The following PRR5L variants were observed in gnomAD, a reference collection of about 807,000 sequenced individuals.
PRR5L encodes the protein proline-rich protein 5-like.
A neutral mutation model predicts 36.4 loss-of-function variants in PRR5L; 21 were observed. The observed-to-expected ratio is 0.58, with a 90% CI of 0.41 to 0.83. The LOEUF (loss-of-function observed/expected upper bound fraction) is 0.83. Ranked by LOEUF, PRR5L falls within the 40% of genes least tolerant of loss-of-function variation. The pLI is 0.00. For synonymous variants in PRR5L, 188 were observed against 197.0 expected (o/e 0.95, Z 0.38); for missense variants, 381 against 473.3 (o/e 0.80, Z 1.81).
At chr11:36,389,614 A>ATTTTTTTT (rs368918273) in intron 1 of PRR5L, among the ~76,000 whole-genome samples, 4 of 134,980 alleles carry the variant, frequency 3.0e-5, no homozygotes, top group African/African-American at 1.1e-4. Context: ...AGCCCCATGT[A>ATTTTTTTT]TTTTTTTTTT....
In PRR5L at chr11:36,351,441, A is replaced by ATATATATT. The variant is rs1359892606; in HGVS notation, c.-125-49532_-125-49525dup. 8.8e-5 allele frequency among the ~76,000 whole-genome samples: 4 copies of ATATATATT among 45,578 alleles called. 1 individual carries two copies. The highest frequency in any genetic ancestry group is 1.9e-4 in the African/African-American group (2 of 10,692). 29.9% of individuals were successfully genotyped at this position (45,578 alleles called of 152,430 possible). A position where few individuals can be genotyped will look rare whatever the true frequency, so the allele number is the denominator to read the frequency against. On this transcript the variant is annotated intron_variant, in intron 1 of 8. Transcript: ENST00000530639. ...TATATATTTATATATTTATATATAC[A>ATATATATT]TATATATTTATATATTTATATATTT...
At chr11:36,343,738 C>T (rs945051096) in intron 1 of PRR5L, among the ~76,000 whole-genome samples, 5 of 152,134 alleles carry the variant, frequency 3.3e-5, no homozygotes, top group Non-Finnish European at 5.9e-5. Flanking sequence ...ATGTGATTCT[C>T]GCAATGACGC....
chr11:36,422,543 A>G (rs184862601), intron 4 of PRR5L, among the ~76,000 whole-genome samples: 123 of 152,146 alleles, frequency 8.1e-4, no homozygotes, highest in African/African-American at 2.8e-3. Context: ...CTGACCCCCA[A>G]CTCTGAGCTT....
At chr11:36,401,340 G>A (rs955470634) in intron 2 of PRR5L, 55 bp downstream of exon 2, 41 of 1,557,472 alleles carry the variant, frequency 2.6e-5, no homozygotes, top group Middle Eastern at 1.7e-4. Flanking sequence ...ATGGCAGGGA[G>A]GGAGGCATCC....
At position 36,441,039 on chromosome 11, in the gene PRR5L, T is replaced by C. The variant is rs142672779; in HGVS notation, c.444+3563T>C. On this transcript the variant is annotated intron_variant, in intron 6 of 8. Coordinates refer to ENST00000530639, the MANE Select transcript of PRR5L (RefSeq NM_001160167.2). The stretch of plus-strand genomic sequence containing the variant: ...CTTCTACTAGGCCCCACCTCCAACA[T>C]TGGAGATCACATTTCAACACGACGT... Among the ~76,000 whole-genome samples the C allele has an allele frequency of 1.3e-3, 196 of 152,280 alleles. 1 individual carries two copies. The highest frequency in any genetic ancestry group is 4.5e-3 in the African/African-American group (187 of 41,554).
At chr11:36,428,438 A>T (rs772826658) in intron 4 of PRR5L, among the ~76,000 whole-genome samples, 3 of 152,162 alleles carry the variant, frequency 2.0e-5, no homozygotes, top group Non-Finnish European at 4.4e-5. Context: ...TAGAGAGGAG[A>T]TTTGGGGTTC....
chr11:36,406,182 C>G (rs1330998697), intron 3 of PRR5L, among the ~76,000 whole-genome samples: 1 of 151,910 alleles, frequency 6.6e-6, no homozygotes, highest in African/African-American at 2.4e-5. Flanking sequence ...TAACACTCAT[C>G]ATGAGGAGCA....
At chr11:36,350,547 A>G (rs894302200) in intron 1 of PRR5L, among the ~76,000 whole-genome samples, 1 of 151,980 alleles carries the variant, frequency 6.6e-6, no homozygotes, top group Admixed American at 6.6e-5. Context: ...TTCTTTTTTA[A>G]AATTTCAATA....
At chr11:36,363,012 G>A (rs1017771264) in intron 1 of PRR5L, among the ~76,000 whole-genome samples, 4 of 152,194 alleles carry the variant, frequency 2.6e-5, no homozygotes, top group African/African-American at 4.8e-5. Context: ...ACGTTAAGTC[G>A]TGCACCCAGG....
intron 1 of PRR5L, among the ~76,000 whole-genome samples, chr11:36,351,602 A>T (rs1221415797): frequency 0.017 from 13 of 784 alleles, 2 homozygotes; most frequent in African/African-American, 0.044. Flanking sequence ...TATTTATATA[A>T]ATATATATTT....
At chr11:36,374,785 G>A (rs1857236741) in intron 1 of PRR5L, among the ~76,000 whole-genome samples, 1 of 152,184 alleles carries the variant, frequency 6.6e-6, no homozygotes, top group Non-Finnish European at 1.5e-5. Context: ...ATTTTCATAT[G>A]AGTAAACTGA....
chr11:36,374,105 C>CCTGCCT (rs776652107), intron 1 of PRR5L, among the ~76,000 whole-genome samples: 2,902 of 67,562 alleles, frequency 0.043, 94 homozygotes, highest in African/African-American at 0.064. Context: ...TTCCTTCCTT[C>CCTGCCT]CTCTCTCTCT....
At chr11:36,358,421 A>G (rs780945531) in intron 1 of PRR5L, among the ~76,000 whole-genome samples, 24 of 152,226 alleles carry the variant, frequency 1.6e-4, no homozygotes, top group Non-Finnish European at 2.6e-4. Flanking sequence ...TCCACCAGCA[A>G]AAAAGATTAC....
intron 8 of PRR5L, among the ~76,000 whole-genome samples, chr11:36,452,417 T>C (rs1858963608): frequency 6.6e-6 from 1 of 152,150 alleles, no homozygotes; most frequent in South Asian, 2.1e-4. Context: ...CAGCTGGCAG[T>C]TTTCACCACC....
At chr11:36,458,433 T>A (rs566848840) in intron 8 of PRR5L, among the ~76,000 whole-genome samples, 1 of 152,382 alleles carries the variant, frequency 6.6e-6, no homozygotes, top group South Asian at 2.1e-4. Context: ...GGGAACACAC[T>A]CTACACTCTA....
chr11:36,330,154 G>C (rs1008173264), intron 1 of PRR5L, among the ~76,000 whole-genome samples: 12 of 152,166 alleles, frequency 7.9e-5, no homozygotes, highest in African/African-American at 2.9e-4. Context: ...ATTCTGCAGG[G>C]CTTATAGAGA....
At chr11:36,388,165 A>G (rs1216732655) in intron 1 of PRR5L, 1 of 152,228 alleles carries the variant, frequency 6.6e-6, no homozygotes, top group Admixed American at 6.5e-5. Flanking sequence ...CCTTTCATCT[A>G]CTTTTCCTGC....
chr11:36,391,057 A>G (rs1285739298), intron 1 of PRR5L, among the ~76,000 whole-genome samples: 2 of 152,110 alleles, frequency 1.3e-5, no homozygotes, highest in African/African-American at 4.8e-5. Flanking sequence ...AAAAGAGGCC[A>G]TCTCTCTTGT....
In PRR5L at chr11:36,315,695, C is replaced by T. The variant is rs560620029; in HGVS notation, c.-126+19257C>T. Among the ~76,000 whole-genome samples, 3 of 152,280 alleles carry T rather than the reference C, an allele frequency of 2.0e-5. No individual in the cohort carries two copies. In the East Asian group the frequency reaches 5.8e-4, roughly 29 times the overall value. On this transcript the variant is annotated intron_variant, in intron 1 of 8. Transcript: ENST00000530639. ...TGAGCAATTGGCCATATTCCACAAG[C>T]AACTAGTTATGAAGGTGGAATATGC...
Sources: gnomAD v4.1 joint callset for allele counts (sites outside exome capture counted in the v4.1 genomes callset) on GRCh38, gnomAD v4.1.1 for gene constraint, MANE v1.5 for transcripts, NCBI Gene and HGNC (gene_info 2026-07-23, HGNC 2026-07-21) for gene names.